FBN1: variants seen among roughly 807,000 people sequenced by gnomAD.
FBN1 encodes the protein fibrillin-1.
A neutral mutation model predicts 365.1 loss-of-function variants in FBN1; 29 were observed. That is an observed-to-expected ratio of 0.08 (90% CI 0.06 to 0.11). The LOEUF (loss-of-function observed/expected upper bound fraction) is 0.11, where lower values mean the gene tolerates loss of function less well. Among genes scored for constraint, FBN1 ranks in the 10% least tolerant of loss-of-function variants. The pLI is 1.00. For synonymous variants in FBN1, 1,210 were observed against 1,270.5 expected (o/e 0.95, Z 1.01); for missense variants, 2,476 against 3,703.2 (o/e 0.67, Z 8.60).
intron 2 of FBN1, among the ~76,000 whole-genome samples, chr15:48,613,627 T>C (rs751340536): frequency 1.2e-4 from 19 of 152,122 alleles, no homozygotes; most frequent in Admixed American, 6.5e-4. Flanking sequence ...AATATTTCTT[T>C]AGCAAAAGTT....
intron 6 of FBN1, among the ~76,000 whole-genome samples, chr15:48,561,754 G>A (rs1487532818): frequency 6.6e-6 from 1 of 152,172 alleles, no homozygotes; most frequent in Non-Finnish European, 1.5e-5. Flanking sequence ...TTTAGCGTAT[G>A]TTTTTACTCA....
chr15:48,513,083 C>A lies in FBN1; in HGVS notation c.1588+466G>T, dbSNP rs1395310030. Among the ~76,000 whole-genome samples, 4 of 152,142 alleles carry A rather than the reference C, an allele frequency of 2.6e-5. No homozygotes were observed. The East Asian group carries it at 7.7e-4, about 29-fold the overall frequency. On this transcript the variant is annotated intron_variant, in intron 13 of 65. Coordinates refer to ENST00000316623, the MANE Select transcript of FBN1 (RefSeq NM_000138.5). ...CTGCAATAGTATGTCTGTGGTGGAACCTGAGATTCTGCCTTTCCAAGCAGC... is the reference window on the plus strand; with the variant it reads ...CTGCAATAGTATGTCTGTGGTGGAAACTGAGATTCTGCCTTTCCAAGCAGC...
Position 48,494,205 on chromosome 15 carries a change from T to G in FBN1, c.2727A>C (p.Glu909Asp), listed in dbSNP as rs2043583978. Residue 909 changes from glutamate to aspartate, a missense_variant and splice_region_variant, in exon 23 of 66, where the codon GAA becomes GAC. By Grantham distance (45) the Glu-to-Asp change is conservative. Transcript: ENST00000316623. Reference sequence around the variant, plus strand: ...TGGTTTATAAGTAATCAGAAATACCTTCACATTGTGTTCCTTTAATTCTTG... The same window carrying G: ...TGGTTTATAAGTAATCAGAAATACCGTCACATTGTGTTCCTTTAATTCTTG... ...GYSRIKGTQC[E>D]DIDECEVFPG... 6.2e-7 allele frequency: 1 copy of G among 1,610,784 alleles called. No homozygotes were observed. Among genetic ancestry groups the G allele is most frequent in the East Asian group, 2.2e-5 (1 of 44,816 alleles).
intron 53 of FBN1, among the ~76,000 whole-genome samples, chr15:48,436,383 A>G (rs2043072114): frequency 6.6e-6 from 1 of 152,162 alleles, no homozygotes; most frequent in South Asian, 2.1e-4. Context: ...TTATGCTAGT[A>G]TTAATTATGT....
At chr15:48,433,374 G>A (rs926315881) in intron 54 of FBN1, among the ~76,000 whole-genome samples, 1 of 152,166 alleles carries the variant, frequency 6.6e-6, no homozygotes, top group African/African-American at 2.4e-5. Context: ...GTGGGAATCA[G>A]TTTTGCCCCA....
chr15:48,475,977 T>C (rs1218973339), intron 32 of FBN1, among the ~76,000 whole-genome samples: 1 of 152,228 alleles, frequency 6.6e-6, no homozygotes, highest in Non-Finnish European at 1.5e-5. Flanking sequence ...TGGATTTTAG[T>C]GTAACCTTGG....
intron 52 of FBN1, 75 bp downstream of exon 52, chr15:48,437,247 A>G (rs1317564167): frequency 2.1e-6 from 3 of 1,429,214 alleles, no homozygotes; most frequent in African/African-American, 2.8e-5. Context: ...ATAGATGGAG[A>G]AAAATAAGAA....
In FBN1 at chr15:48,623,426, C is replaced by G. The variant is rs1329592218; in HGVS notation, c.165-10334G>C. Among the ~76,000 whole-genome samples, 3 of 152,176 alleles carry G rather than the reference C, an allele frequency of 2.0e-5. No homozygotes were observed. The East Asian group carries it at 5.8e-4, about 29-fold the overall frequency. ...ACTTATTCTGATCAGTGAAGTTACC[C>G]ATGTTTATAACTCAGAAATCAATAT... On this transcript the variant is annotated intron_variant, in intron 2 of 65. Coordinates refer to ENST00000316623, the MANE Select transcript of FBN1 (RefSeq NM_000138.5).
At chr15:48,502,026 T>C (rs1006826236) in intron 17 of FBN1, among the ~76,000 whole-genome samples, 1 of 152,060 alleles carries the variant, frequency 6.6e-6, no homozygotes, top group Non-Finnish European at 1.5e-5. Flanking sequence ...GCATCCCTCA[T>C]TTCCTTTTTC....
intron 39 of FBN1, 25 bp downstream of exon 39, chr15:48,465,764 CT>C: frequency 6.2e-7 from 1 of 1,612,870 alleles, no homozygotes; most frequent in Non-Finnish European, 8.5e-7. Context: ...GTTGTGTGTG[CT>C]TTAAGACAAA....
chr15:48,436,894 A>G (rs903911809), intron 53 of FBN1, 67 bp downstream of exon 53: 13 of 960,154 alleles, frequency 1.4e-5, no homozygotes, highest in Non-Finnish European at 2.2e-5. Flanking sequence ...TCATGGCTAT[A>G]CAGTGAATAC....
At chr15:48,428,784 T>C (rs2043002708) in intron 56 of FBN1, among the ~76,000 whole-genome samples, 1 of 152,248 alleles carries the variant, frequency 6.6e-6, no homozygotes, top group African/African-American at 2.4e-5. Flanking sequence ...TCTGAATCTT[T>C]TATAGAAGAA....
At chr15:48,582,762 A>T (rs1427481693) in intron 6 of FBN1, among the ~76,000 whole-genome samples, 1 of 152,212 alleles carries the variant, frequency 6.6e-6, no homozygotes, top group East Asian at 1.9e-4. Context: ...CTTGAGTTCC[A>T]GTTCATTAAC....
intron 2 of FBN1, among the ~76,000 whole-genome samples, chr15:48,622,488 C>T (rs1236425077): frequency 6.6e-6 from 1 of 152,174 alleles, no homozygotes; most frequent in Non-Finnish European, 1.5e-5. Context: ...TTCTCCAACT[C>T]CATTAGCAAA....
chr15:48,452,518 C>A, intron 45 of FBN1, 44 bp downstream of exon 45: 1 of 1,612,610 alleles, frequency 6.2e-7, no homozygotes, highest in Non-Finnish European at 8.5e-7. Context: ...TTCATGAAGA[C>A]AAACTCTTGG....
intron 5 of FBN1, among the ~76,000 whole-genome samples, chr15:48,598,169 T>C (rs1310740093): frequency 2.0e-5 from 3 of 152,198 alleles, no homozygotes; most frequent in Non-Finnish European, 4.4e-5. Flanking sequence ...AGTAAACACA[T>C]GGGCTATGGA....
At chr15:48,550,673 A>C (rs1393592074) in intron 6 of FBN1, among the ~76,000 whole-genome samples, 2 of 151,966 alleles carry the variant, frequency 1.3e-5, no homozygotes, top group African/African-American at 4.8e-5. Flanking sequence ...CAGTTCCTCA[A>C]CTCACGGTGC....
chr15:48,551,855 G>A (rs1232602813), intron 6 of FBN1, among the ~76,000 whole-genome samples: 2 of 152,136 alleles, frequency 1.3e-5, no homozygotes, highest in African/African-American at 2.4e-5. Context: ...TTTTATGGCT[G>A]TATAGTATTC....
intron 39 of FBN1, 35 bp from the exon 40 acceptor site, chr15:48,465,728 T>C (rs376298931): frequency 3.7e-6 from 6 of 1,613,654 alleles, no homozygotes; most frequent in Middle Eastern, 1.6e-4. Context: ...TCCTTTAGCA[T>C]TGTAAATAAA....
Sources: allele counts gnomAD v4.1 joint callset (sites outside exome capture counted in the v4.1 genomes callset), GRCh38; gene constraint gnomAD v4.1.1; transcripts MANE v1.5; gene names NCBI Gene and HGNC (gene_info 2026-07-23, HGNC 2026-07-21).